Variants in APOH observed in about 807,000 individuals in gnomAD.
APOH encodes the protein apolipoprotein H, also known as beta-2-glycoprotein 1.
Under a neutral mutation model 39.8 loss-of-function variants are expected in APOH, and 48 were observed. That is an observed-to-expected ratio of 1.21 (90% CI 0.96 to 1.54). The LOEUF (loss-of-function observed/expected upper bound fraction) is 1.54. Ranked by LOEUF, APOH falls within the 40% of genes most tolerant of loss-of-function variation. APOH has a pLI of 0.00. For missense variants in APOH, 415 were observed against 421.2 expected (o/e 0.99, Z 0.13); for synonymous variants, 153 against 151.1 (o/e 1.01, Z -0.09).
chr17:66,212,167 C>A lies in APOH; in HGVS notation c.1004G>T (p.Trp335Leu). The A allele has an allele frequency of 1.2e-6, 2 of 1,613,434 alleles. No homozygotes were observed. Among genetic ancestry groups the A allele is most frequent in the Non-Finnish European group, 1.7e-6 (2 of 1,179,580 alleles). ...CTTTACATCGGATGCATCAGTTTTC[C>A]AAAAAGCCAGAGAACTGTGTTCTGT... ...CFKEHSSLAF[W>L]KTDASDVKPC The change falls in exon 8 of 8, where the codon TGG becomes TTG. Residue 335 changes from tryptophan (W) to leucine (L), a missense_variant. This residue lies in a region of APOH where 120 missense variants were observed against 110.6 expected (regional missense o/e 1.08). Transcript: ENST00000205948.
Position 66,226,079 on chromosome 17 carries a change from C to T in APOH, c.287G>A (p.Arg96His), listed in dbSNP as rs138847585. Residue 96 changes from arginine to histidine, a missense_variant, in exon 3 of 8, where the codon CGC (arginine) becomes CAC (histidine). By Grantham distance (29) the Arg-to-His change is conservative. This residue lies in a region of APOH where 288 missense variants were observed against 284.9 expected (regional missense o/e 1.01). Transcript: ENST00000205948. ...FAGILENGAV[R>H]YTTFEYPNTI... The stretch of plus-strand genomic sequence containing the variant: ...GTTGGGATATTCAAAAGTCGTATAG[C>T]GTACGGCTCCATTTTCTAAGATTCC... 1.2e-5 allele frequency: 19 copies of T among 1,613,572 alleles called. No individual in the cohort carries two copies. Among genetic ancestry groups the T allele is most frequent in the East Asian group, 2.2e-5 (1 of 44,870 alleles).
chr17:66,215,727 G>A (rs1392031144), intron 6 of APOH, among the ~76,000 whole-genome samples: 2 of 152,132 alleles, frequency 1.3e-5, no homozygotes, highest in Non-Finnish European at 2.9e-5. Context: ...TAACTCAAAA[G>A]GAACCAGTGT....
At chr17:66,228,269 G>T in intron 1 of APOH, 73 bp from the exon 2 acceptor site, 1 of 1,504,462 alleles carries the variant, frequency 6.6e-7, no homozygotes, top group Admixed American at 1.9e-5. Flanking sequence ...GCCCACAAAT[G>T]AAAAATGTGT....
Position 66,228,799 on chromosome 17 carries a change from CA to C in APOH, c.64+516del, listed in dbSNP as rs543775682. ...CTGGCGACAGAGCGAGACTCTGTCT[CA>C]AAAAAAAAAAAAAAGAATTTAATTA... On this transcript the variant is annotated intron_variant, in intron 1 of 7. Transcript: ENST00000205948. 6.1e-3 allele frequency among the ~76,000 whole-genome samples: 644 copies of C among 105,036 alleles called. 3 individuals carry two copies. The highest frequency in any genetic ancestry group is 5.4e-3 in the Middle Eastern group (1 of 184). 68.9% of individuals were successfully genotyped at this position (105,036 alleles called of 152,430 possible). A position where few individuals can be genotyped will look rare whatever the true frequency, so the allele number is the denominator to read the frequency against.
chr17:66,223,681 C>G lies in APOH; in HGVS notation c.415+17G>C. ...GGTTCTGGGCAAACCAGCTGATCAC[C>G]TTGCCCACAGACTTACGAGCACAGA... On this transcript the variant is annotated intron_variant, in intron 4 of 7. Coordinates refer to ENST00000205948, the MANE Select transcript of APOH (RefSeq NM_000042.3). 2 of 1,612,988 alleles carry G rather than the reference C, an allele frequency of 1.2e-6. No homozygotes were observed. Among genetic ancestry groups the G allele is most frequent in the Non-Finnish European group, 1.7e-6 (2 of 1,178,962 alleles).
chr17:66,218,410 G>A (rs2073378234), intron 5 of APOH, among the ~76,000 whole-genome samples: 1 of 151,872 alleles, frequency 6.6e-6, no homozygotes. Context: ...CCTGGTTCAA[G>A]CGATTCTCCT....
chr17:66,213,602 G>A lies in APOH; in HGVS notation c.982+851C>T, dbSNP rs149694135. ...ATACAAGATGGCATCATTCACCTCA[G>A]CATTCATTGAATATAACCACAACCC... On this transcript the variant is annotated intron_variant, in intron 7 of 7. Coordinates refer to ENST00000205948, the MANE Select transcript of APOH (RefSeq NM_000042.3). 4.5e-4 allele frequency among the ~76,000 whole-genome samples: 68 copies of A among 152,104 alleles called. 1 individual carries two copies. The highest frequency in any genetic ancestry group is 1.3e-3 in the African/African-American group (53 of 41,420).
In APOH at chr17:66,225,947, A is replaced by G. The variant is rs1383867758; in HGVS notation, c.338+81T>C. Reference sequence around the variant, plus strand: ...CCAACCTAAAGGCTGAAAACAAAATATAGACCAGTCTTGATGTTTAGCTTA... The same window carrying G: ...CCAACCTAAAGGCTGAAAACAAAATGTAGACCAGTCTTGATGTTTAGCTTA... On this transcript the variant is annotated intron_variant, in intron 3 of 7. Coordinates refer to ENST00000205948, the MANE Select transcript of APOH (RefSeq NM_000042.3). 3.2e-6 allele frequency: 3 copies of G among 941,340 alleles called. No homozygotes were observed. The East Asian group carries it at 7.8e-5, about 24-fold the overall frequency. The allele number at this position is 941,340 out of a possible 1,614,324, so 58.3% of individuals were successfully genotyped here. A position where few individuals can be genotyped will look rare whatever the true frequency, so the allele number is the denominator to read the frequency against.
intron 4 of APOH, among the ~76,000 whole-genome samples, chr17:66,221,291 A>AAGGAAGTC (rs1278018480): frequency 4.8e-4 from 64 of 134,052 alleles, no homozygotes; most frequent in African/African-American, 1.8e-3. Flanking sequence ...GGAAGGAAGG[A>AAGGAAGTC]AGTCAGAAGG....
At position 66,229,393 on chromosome 17, in the gene APOH, C is replaced by T; in HGVS notation, c.-14G>A. The stretch of plus-strand genomic sequence containing the variant: ...TGGAGAAATCATTGTGGATGAGTCA[C>T]ACTGGCACTACCAAAGTGGTTTTCG... On this transcript the variant is annotated 5_prime_UTR_variant, in exon 1 of 8. The change creates a new upstream start codon in the 5' untranslated region. Transcript: ENST00000205948. The T allele has an allele frequency of 6.2e-7, 1 of 1,612,552 alleles. No homozygotes were observed. Among genetic ancestry groups the T allele is most frequent in the Non-Finnish European group, 8.5e-7 (1 of 1,179,036 alleles).
At chr17:66,229,275 T>G in intron 1 of APOH, 41 bp downstream of exon 1, 2 of 1,517,090 alleles carry the variant, frequency 1.3e-6, no homozygotes, top group Non-Finnish European at 1.8e-6. Context: ...ACGAAGGGGT[T>G]GGATATATTA....
chr17:66,219,930 A>T (rs2146994349), intron 5 of APOH, among the ~76,000 whole-genome samples: 1 of 152,194 alleles, frequency 6.6e-6, no homozygotes, highest in East Asian at 1.9e-4. Context: ...AAAACAAACT[A>T]TTTGTGCACA....
chr17:66,228,957 C>T (rs1033172688), intron 1 of APOH, among the ~76,000 whole-genome samples: 6 of 151,744 alleles, frequency 4.0e-5, no homozygotes, highest in Admixed American at 2.0e-4. Flanking sequence ...CTCAGCCTCC[C>T]GAGTGGCTGG....
intron 1 of APOH, among the ~76,000 whole-genome samples, chr17:66,228,892 G>T (rs1020311537): frequency 6.6e-6 from 1 of 151,824 alleles, no homozygotes; most frequent in African/African-American, 2.4e-5. Context: ...GAGTGCAATG[G>T]GGGGACCTCG....
Position 66,216,948 on chromosome 17 carries a change from T to G in APOH, c.624A>C (p.Pro208=). The G allele has an allele frequency of 6.2e-7, 1 of 1,602,112 alleles. No homozygotes were observed. Among genetic ancestry groups the G allele is most frequent in the Non-Finnish European group, 8.5e-7 (1 of 1,175,504 alleles). The change falls in exon 6 of 8, where the codon CCA becomes CCC. Residue 208 remains proline (P), a synonymous_variant. Coordinates refer to ENST00000205948, the MANE Select transcript of APOH (RefSeq NM_000042.3). The part of the protein sequence containing the change: ...PECREVKCPF[P]SRPDNGFVNY... ...TCACAAATCCATTGTCTGGTCTTGA[T>G]GGGAATGGGCATTTTACTTCTAAAA...
chr17:66,222,316 C>A (rs537787724), intron 4 of APOH, among the ~76,000 whole-genome samples: 3 of 151,696 alleles, frequency 2.0e-5, no homozygotes, highest in Non-Finnish European at 4.4e-5. Context: ...CCCAGGAGAT[C>A]GAAGTTACAG....
rs553701480 is a variant in APOH, at chr17:66,214,005, T to C, written c.982+448A>G. ...TCTGCAGCTCACTGCTTCATATCAT[T>C]GTTTCTCCCTCTCACCCCTCTTTTT... On this transcript the variant is annotated intron_variant, in intron 7 of 7. Coordinates refer to ENST00000205948, the MANE Select transcript of APOH (RefSeq NM_000042.3). Among the ~76,000 whole-genome samples the C allele has an allele frequency of 1.2e-3, 178 of 152,168 alleles. 2 individuals are homozygous for C. The highest frequency in any genetic ancestry group is 0.01 in the Admixed American group (157 of 15,290).
In APOH at chr17:66,212,036, G is replaced by C; in HGVS notation, c.*97C>G. On this transcript the variant is annotated 3_prime_UTR_variant, in exon 8 of 8. Coordinates refer to ENST00000205948, the MANE Select transcript of APOH (RefSeq NM_000042.3). ...ATGAAGCTAACACTGCAATGGGTGC[G>C]GCAATAAATTCAGTAGCTTTATTTT... 9.8e-7 allele frequency: 1 copy of C among 1,017,748 alleles called. No individual in the cohort carries two copies. Among genetic ancestry groups the C allele is most frequent in the Non-Finnish European group, 1.5e-6 (1 of 653,174 alleles). 63.0% of individuals were successfully genotyped at this position (1,017,748 alleles called of 1,614,324 possible). A position where few individuals can be genotyped will look rare whatever the true frequency, so the allele number is the denominator to read the frequency against.
intron 5 of APOH, 69 bp from the exon 6 acceptor site, chr17:66,217,036 A>C: frequency 7.8e-7 from 1 of 1,289,934 alleles, no homozygotes; most frequent in Non-Finnish European, 1.0e-6. Flanking sequence ...AAATAGTTAC[A>C]TCCTTGTCTC....
Sources: allele counts gnomAD v4.1 joint callset (sites outside exome capture counted in the v4.1 genomes callset), GRCh38; gene constraint gnomAD v4.1.1; regional missense constraint gnomAD v4.1.1; transcripts MANE v1.5; gene names NCBI Gene and HGNC (gene_info 2026-07-23, HGNC 2026-07-21).